Variants in STAC observed in about 807,000 individuals in gnomAD.
STAC encodes SH3 and cysteine rich domain, also known as SH3 and cysteine-rich domain-containing protein.
In STAC, 43 loss-of-function variants were observed where a neutral mutation model predicts 48.8. That is an observed-to-expected ratio of 0.88 (90% CI 0.69 to 1.14). STAC has a LOEUF of 1.14. Ranked by LOEUF, STAC falls within the 50% of genes most tolerant of loss-of-function variation. STAC has a pLI of 0.00. For synonymous variants in STAC, 193 were observed against 179.5 expected (o/e 1.07, Z -0.60); for missense variants, 497 against 504.0 (o/e 0.99, Z 0.13).
chr3:36,474,666 TC>T (rs1420345907), intron 2 of STAC, among the ~76,000 whole-genome samples: 1 of 152,182 alleles, frequency 6.6e-6, no homozygotes, highest in Non-Finnish European at 1.5e-5. Context: ...ACTGCTGAGA[TC>T]ATAAGAGGAG....
chr3:36,500,375 TA>T (rs1415264354), intron 6 of STAC, among the ~76,000 whole-genome samples: 2 of 152,108 alleles, frequency 1.3e-5, no homozygotes, highest in Admixed American at 1.3e-4. Flanking sequence ...TGTTCTCACT[TA>T]TAAGTAGGAG....
intron 4 of STAC, chr3:36,485,861 A>T (rs771668618): frequency 3.2e-5 from 9 of 284,106 alleles, no homozygotes; most frequent in Non-Finnish European, 4.6e-5. Flanking sequence ...AGAACCTGGA[A>T]ATCAGAGAGG....
chr3:36,426,172 G>A (rs879916153), intron 1 of STAC, among the ~76,000 whole-genome samples: 6 of 152,224 alleles, frequency 3.9e-5, no homozygotes, highest in Non-Finnish European at 8.8e-5. Flanking sequence ...TCCAACACCT[G>A]ACAGCTAATG....
chr3:36,510,628 TA>T (rs1458859006), intron 8 of STAC, among the ~76,000 whole-genome samples: 3 of 152,066 alleles, frequency 2.0e-5, no homozygotes, highest in Non-Finnish European at 4.4e-5. Flanking sequence ...TATGCAGCCA[TA>T]AAAAAGGATG....
intron 2 of STAC, among the ~76,000 whole-genome samples, chr3:36,448,853 G>A (rs899681784): frequency 5.3e-5 from 8 of 151,656 alleles, no homozygotes; most frequent in Admixed American, 2.0e-4. Context: ...TAAGGTAAGA[G>A]GATAGCTTGA....
chr3:36,545,378 C>A (rs1699421463), intron 10 of STAC, among the ~76,000 whole-genome samples: 1 of 152,204 alleles, frequency 6.6e-6, no homozygotes, highest in South Asian at 2.1e-4. Flanking sequence ...CATCCTGCAT[C>A]CCTCACTTCC....
intron 2 of STAC, among the ~76,000 whole-genome samples, chr3:36,453,024 G>C (rs571917764): frequency 1.3e-5 from 2 of 152,358 alleles, no homozygotes; most frequent in African/African-American, 2.4e-5. Context: ...GCTAATGGGA[G>C]GATATCTGAA....
At chr3:36,444,281 G>A (rs749507898) in intron 2 of STAC, among the ~76,000 whole-genome samples, 18 of 152,100 alleles carry the variant, frequency 1.2e-4, no homozygotes, top group African/African-American at 3.1e-4. Flanking sequence ...TGCTTGTATC[G>A]GTCAAAGATT....
chr3:36,462,534 C>A (rs1479579887), intron 2 of STAC, among the ~76,000 whole-genome samples: 2 of 152,022 alleles, frequency 1.3e-5, no homozygotes, highest in African/African-American at 4.8e-5. Flanking sequence ...AGCCCTGGAG[C>A]CCTCCAATGT....
chr3:36,435,206 T>C (rs993260121), intron 1 of STAC, among the ~76,000 whole-genome samples: 2 of 152,128 alleles, frequency 1.3e-5, no homozygotes, highest in African/African-American at 4.8e-5. Context: ...AAATGGTTAT[T>C]CCACATCTCC....
At chr3:36,425,281 G>A (rs1700537869) in intron 1 of STAC, among the ~76,000 whole-genome samples, 1 of 152,260 alleles carries the variant, frequency 6.6e-6, no homozygotes, top group Middle Eastern at 3.4e-3. Flanking sequence ...AGAGCATATC[G>A]CTTTTGTCCT....
intron 2 of STAC, among the ~76,000 whole-genome samples, chr3:36,444,009 A>G (rs952228185): frequency 6.6e-6 from 1 of 152,196 alleles, no homozygotes; most frequent in African/African-American, 2.4e-5. Flanking sequence ...TTCCCCAAAA[A>G]AAAGCCGATG....
At chr3:36,452,384 A>C (rs1250406701) in intron 2 of STAC, among the ~76,000 whole-genome samples, 1 of 152,158 alleles carries the variant, frequency 6.6e-6, no homozygotes, top group Non-Finnish European at 1.5e-5. Flanking sequence ...TAAAGGGGTA[A>C]AGGAGACAGG....
chr3:36,401,136 A>G (rs73056100), intron 1 of STAC, among the ~76,000 whole-genome samples: 2,752 of 152,206 alleles, frequency 0.018, 51 homozygotes, highest in Non-Finnish European at 0.025. Context: ...AAATGTACCT[A>G]TGTTTACATT....
intron 6 of STAC, among the ~76,000 whole-genome samples, chr3:36,494,189 G>A (rs1039874125): frequency 1.1e-3 from 165 of 149,088 alleles, no homozygotes; most frequent in African/African-American, 3.9e-3. Context: ...GAGCCACCTC[G>A]TAATCCAGAG....
At chr3:36,469,150 C>A (rs1575220889) in intron 2 of STAC, among the ~76,000 whole-genome samples, 1 of 151,580 alleles carries the variant, frequency 6.6e-6, no homozygotes, top group African/African-American at 2.4e-5. Context: ...GACTGAATAC[C>A]TTTTTTTTCA....
chr3:36,448,688 C>T (rs946071335), intron 2 of STAC, among the ~76,000 whole-genome samples: 4 of 152,098 alleles, frequency 2.6e-5, no homozygotes, highest in South Asian at 2.1e-4. Context: ...TCTGGAAGAA[C>T]GTTTAAACTC....
intron 9 of STAC, 49 bp from the exon 10 acceptor site, chr3:36,528,799 T>C: frequency 1.9e-6 from 3 of 1,607,722 alleles, no homozygotes; most frequent in Non-Finnish European, 2.5e-6. Flanking sequence ...TTGGTAACTA[T>C]TATAATACAT....
chr3:36,516,403 C>A (rs1698674655), intron 8 of STAC, among the ~76,000 whole-genome samples: 1 of 152,052 alleles, frequency 6.6e-6, no homozygotes, highest in Non-Finnish European at 1.5e-5. Flanking sequence ...CTTAGAAGTG[C>A]CATGGACCCA....
Sources: allele counts gnomAD v4.1 joint callset (sites outside exome capture counted in the v4.1 genomes callset), GRCh38; gene constraint gnomAD v4.1.1; transcripts MANE v1.5; gene names NCBI Gene and HGNC (gene_info 2026-07-23, HGNC 2026-07-21).